The following KALRN variants were observed in gnomAD, a reference collection of about 807,000 sequenced individuals.
KALRN encodes the protein kalirin RhoGEF kinase.
In KALRN, 70 loss-of-function variants were observed where a neutral mutation model predicts 353.7. The observed-to-expected ratio is 0.20, with a 90% confidence interval of 0.16 to 0.24. KALRN has a LOEUF of 0.24. Ranked by LOEUF, KALRN falls within the 10% of genes least tolerant of loss-of-function variation. KALRN has a pLI of 1.00. For missense variants in KALRN, 2,791 were observed against 3,756.7 expected, an observed-to-expected ratio of 0.74 and a Z score of 6.72; for synonymous variants, 1,391 against 1,434.8, an observed-to-expected ratio of 0.97 and a Z score of 0.69.
chr3:124,152,189 A>G (rs1445165824), intron 1 of KALRN: 29 of 1,568,690 alleles, frequency 1.8e-5, no homozygotes, highest in Non-Finnish European at 2.4e-5. Flanking sequence ...TTATCTGTCA[A>G]AGCAATTCGC....
intron 38 of KALRN, among the ~76,000 whole-genome samples, chr3:124,653,367 A>G (rs186868004): frequency 6.6e-6 from 1 of 152,380 alleles, no homozygotes; most frequent in African/African-American, 2.4e-5. Flanking sequence ...GTCTAACACC[A>G]GTATGTACCA....
At chr3:124,138,999 G>C (rs1465453805) in intron 1 of KALRN, among the ~76,000 whole-genome samples, 2 of 152,192 alleles carry the variant, frequency 1.3e-5, no homozygotes, top group African/African-American at 4.8e-5. Context: ...TCACTGCAAA[G>C]ATAAATGGTG....
intron 6 of KALRN, among the ~76,000 whole-genome samples, chr3:124,321,211 C>T (rs551391456): frequency 3.9e-5 from 6 of 152,292 alleles, no homozygotes; most frequent in Admixed American, 3.3e-4. Flanking sequence ...CCTATGACCA[C>T]AAAAGTGTAA....
At chr3:124,176,106 GC>G (rs2072700006) in intron 1 of KALRN, among the ~76,000 whole-genome samples, 2 of 152,076 alleles carry the variant, frequency 1.3e-5, no homozygotes, top group South Asian at 4.2e-4. Flanking sequence ...TGCCTGCAAA[GC>G]CCCCTGACCA....
chr3:124,321,724 T>C (rs916580243), intron 6 of KALRN, among the ~76,000 whole-genome samples: 2 of 152,208 alleles, frequency 1.3e-5, no homozygotes, highest in East Asian at 1.9e-4. Flanking sequence ...TTTTGAGTTA[T>C]CGAGATTTTG....
intron 34 of KALRN, among the ~76,000 whole-genome samples, chr3:124,630,809 A>G (rs540073715): frequency 1.3e-5 from 2 of 152,330 alleles, no homozygotes; most frequent in South Asian, 4.2e-4. Flanking sequence ...TACAGCTTAC[A>G]AACAATATGC....
chr3:124,501,785 T>A (rs181912384), intron 33 of KALRN, among the ~76,000 whole-genome samples: 76 of 152,304 alleles, frequency 5.0e-4, no homozygotes, highest in African/African-American at 1.5e-3. Flanking sequence ...GTTCATGAAC[T>A]GTGCAGAGGC....
At chr3:124,450,069 A>C (rs1368556514) in intron 21 of KALRN, among the ~76,000 whole-genome samples, 1 of 152,094 alleles carries the variant, frequency 6.6e-6, no homozygotes, top group Non-Finnish European at 1.5e-5. Flanking sequence ...CTGGGAGTGG[A>C]ATGGTTGGGT....
intron 1 of KALRN, among the ~76,000 whole-genome samples, chr3:124,210,819 C>T (rs1258107366): frequency 6.6e-6 from 1 of 152,192 alleles, no homozygotes; most frequent in Non-Finnish European, 1.5e-5. Context: ...GATTTTAATC[C>T]TACAGCCACA....
intron 51 of KALRN, among the ~76,000 whole-genome samples, chr3:124,686,798 ATTTTTT>A (rs10599336): frequency 0.06 from 4,257 of 71,112 alleles, 415 homozygotes; most frequent in African/African-American, 0.069. Flanking sequence ...CACTGGTGAG[ATTTTTT>A]TTTTTTTTTT....
intron 16 of KALRN, among the ~76,000 whole-genome samples, chr3:124,433,330 C>T (rs1043319903): frequency 6.6e-6 from 1 of 151,630 alleles, no homozygotes; most frequent in Non-Finnish European, 1.5e-5. Context: ...GTGGTTCTTG[C>T]CTGTAATCCC....
intron 10 of KALRN, among the ~76,000 whole-genome samples, chr3:124,373,250 G>T (rs1163834482): frequency 6.6e-6 from 1 of 152,154 alleles, no homozygotes; most frequent in Admixed American, 6.5e-5. Flanking sequence ...GTCTAAAATG[G>T]TGGTTCTCAA....
intron 1 of KALRN, 105 bp from the exon 2 acceptor site, chr3:124,227,885 A>G: frequency 1.1e-6 from 1 of 895,612 alleles, no homozygotes; most frequent in South Asian, 1.3e-5. Flanking sequence ...TGGACAAGGC[A>G]GGACTTGCCG....
chr3:124,125,440 GCCC>G (rs939648272), intron 1 of KALRN, among the ~76,000 whole-genome samples: 1 of 152,228 alleles, frequency 6.6e-6, no homozygotes, highest in Non-Finnish European at 1.5e-5. Flanking sequence ...GAAGGAGGAA[GCCC>G]AAGGTCAGAG....
chr3:124,165,896 T>C (rs1397103402), intron 1 of KALRN, among the ~76,000 whole-genome samples: 3 of 152,128 alleles, frequency 2.0e-5, no homozygotes, highest in African/African-American at 7.2e-5. Context: ...CTCAAACCTC[T>C]CTTCCTACCA....
In KALRN at chr3:124,719,641, AG is replaced by A. The variant is rs1212968874; in HGVS notation, c.*172del. ...TATTCAGGGTCTGAGCAGCAGTAAA[AG>A]TCACCCTAAATCAAGGGGCTTTTCA... On this transcript the variant is annotated 3_prime_UTR_variant, in exon 60 of 60. Coordinates refer to ENST00000682506, the MANE Select transcript of KALRN (RefSeq NM_001388419.1). This position sits in a 1 kb window ranked among gnomAD's most constrained non-coding sequence, Gnocchi z 5.3. 1 of 649,184 alleles carries A rather than the reference AG, an allele frequency of 1.5e-6. No homozygotes were observed. Among genetic ancestry groups the A allele is most frequent in the Non-Finnish European group, 2.6e-6 (1 of 387,592 alleles). 40.2% of individuals were successfully genotyped at this position (649,184 alleles called of 1,614,324 possible).
intron 1 of KALRN, among the ~76,000 whole-genome samples, chr3:124,146,643 C>T (rs1287109410): frequency 6.6e-6 from 1 of 151,792 alleles, no homozygotes; most frequent in African/African-American, 2.4e-5. Flanking sequence ...TTTGGGAGGC[C>T]GAGGCAGGCA....
intron 10 of KALRN, among the ~76,000 whole-genome samples, chr3:124,351,953 A>G (rs6799810): frequency 0.4 from 61,133 of 151,968 alleles, 13,159 homozygotes; most frequent in Middle Eastern, 0.51. Context: ...GCCTCCCTAG[A>G]GAGGAATCCA....
chr3:124,521,773 A>G (rs1238146307), intron 33 of KALRN, among the ~76,000 whole-genome samples: 1 of 152,210 alleles, frequency 6.6e-6, no homozygotes, highest in African/African-American at 2.4e-5. Context: ...TGCTGTAGCG[A>G]CACTGACTAA....
Sources: gnomAD v4.1 joint callset for allele counts (sites outside exome capture counted in the v4.1 genomes callset) on GRCh38, gnomAD v4.1.1 for gene constraint, Gnocchi (gnomAD v3.1) non-coding constraint, MANE v1.5 for transcripts, NCBI Gene and HGNC (gene_info 2026-07-23, HGNC 2026-07-21) for gene names.